Variants in SGCZ observed in about 807,000 individuals in gnomAD.
The protein encoded by SGCZ is zeta-sarcoglycan.
SGCZ carries 40 observed loss-of-function variants against 41.3 expected under a neutral mutation model. The observed-to-expected ratio is 0.97, with a 90% CI of 0.75 to 1.26. The LOEUF is 1.26. Ranked by LOEUF, SGCZ falls within the 50% of genes most tolerant of loss-of-function variation. SGCZ has a pLI of 0.00. For synonymous variants in SGCZ, 206 were observed against 137.5 expected (o/e 1.50, Z -3.49); for missense variants, 552 against 369.8 (o/e 1.49, Z -4.04).
chr8:14,767,244 A>G (rs2130378562), intron 1 of SGCZ, among the ~76,000 whole-genome samples: 1 of 152,228 alleles, frequency 6.6e-6, no homozygotes, highest in African/African-American at 2.4e-5. Flanking sequence ...TCCCCCTCAC[A>G]ATTCCCCTGA....
chr8:14,841,760 T>C (rs1328711944), intron 1 of SGCZ, among the ~76,000 whole-genome samples: 3 of 152,136 alleles, frequency 2.0e-5, no homozygotes, highest in Admixed American at 6.5e-5. Flanking sequence ...AATCACAGAA[T>C]ATTAAGGGAC....
At chr8:15,007,426 G>C (rs368924810) in intron 1 of SGCZ, among the ~76,000 whole-genome samples, 5 of 152,086 alleles carry the variant, frequency 3.3e-5, no homozygotes, top group African/African-American at 1.2e-4. Context: ...ACTCTGATTC[G>C]AACTTTCTAC....
At chr8:14,769,732 T>C (rs1800167686) in intron 1 of SGCZ, among the ~76,000 whole-genome samples, 1 of 140,764 alleles carries the variant, frequency 7.1e-6, no homozygotes. Context: ...GAGGCAGAGG[T>C]TGCAGTGAGC....
intron 1 of SGCZ, among the ~76,000 whole-genome samples, chr8:14,819,613 A>C (rs1277680802): frequency 6.6e-6 from 1 of 152,158 alleles, no homozygotes; most frequent in Non-Finnish European, 1.5e-5. Flanking sequence ...TGCAGTGTAA[A>C]TCTTTCAATA....
intron 2 of SGCZ, among the ~76,000 whole-genome samples, chr8:14,406,153 C>G (rs1799206988): frequency 6.6e-6 from 1 of 152,060 alleles, no homozygotes; most frequent in South Asian, 2.1e-4. Flanking sequence ...CAAGCTTATG[C>G]TTTCTGCAGA....
intron 2 of SGCZ, among the ~76,000 whole-genome samples, chr8:14,401,681 C>A (rs1799080916): frequency 2.0e-5 from 3 of 151,860 alleles, no homozygotes; most frequent in South Asian, 4.2e-4. Flanking sequence ...TTGATCCAGT[C>A]TATCATTGTT....
At chr8:14,607,166 A>G (rs1805778708) in intron 1 of SGCZ, among the ~76,000 whole-genome samples, 1 of 152,180 alleles carries the variant, frequency 6.6e-6, no homozygotes, top group South Asian at 2.1e-4. Flanking sequence ...AAGATTGAAC[A>G]AAACCATAAA....
At chr8:14,273,335 A>G (rs1425210308) in intron 3 of SGCZ, among the ~76,000 whole-genome samples, 1 of 152,120 alleles carries the variant, frequency 6.6e-6, no homozygotes, top group Non-Finnish European at 1.5e-5. Flanking sequence ...TTCCTTTATC[A>G]TCCAGCAAAA....
intron 1 of SGCZ, among the ~76,000 whole-genome samples, chr8:14,913,017 T>G (rs1799323275): frequency 6.6e-6 from 1 of 152,068 alleles, no homozygotes; most frequent in Non-Finnish European, 1.5e-5. Flanking sequence ...TATAAAAATA[T>G]CATGACAACT....
chr8:14,880,378 T>C (rs1804542318), intron 1 of SGCZ, among the ~76,000 whole-genome samples: 1 of 152,158 alleles, frequency 6.6e-6, no homozygotes, highest in Admixed American at 6.5e-5. Context: ...GTTCAACCAT[T>C]GTGGAAGTCA....
intron 1 of SGCZ, among the ~76,000 whole-genome samples, chr8:15,223,455 A>C (rs17575930): frequency 0.021 from 3,163 of 152,300 alleles, 50 homozygotes; most frequent in Non-Finnish European, 0.035. Context: ...AAAGCCTAGA[A>C]ATATGTAGTA....
intron 1 of SGCZ, among the ~76,000 whole-genome samples, chr8:14,720,316 A>G (rs1366377746): frequency 1.3e-5 from 2 of 152,116 alleles, no homozygotes; most frequent in African/African-American, 4.8e-5. Flanking sequence ...AAAACTTATA[A>G]GTAAATTCTT....
intron 1 of SGCZ, among the ~76,000 whole-genome samples, chr8:15,135,697 C>T (rs948970053): frequency 2.6e-5 from 4 of 152,104 alleles, no homozygotes; most frequent in Non-Finnish European, 5.9e-5. Flanking sequence ...GTGTGTAGTA[C>T]TGATGCCGGG....
In SGCZ at chr8:14,184,497, T is replaced by A. The variant is rs1205519428; in HGVS notation, c.425-19795A>T. Among the ~76,000 whole-genome samples the A allele has an allele frequency of 2.6e-5, 4 of 152,182 alleles. No individual in the cohort carries two copies. The East Asian group carries it at 7.7e-4, about 29-fold the overall frequency. ...TAAATGATAAATGTATTGAAATGAATAAGATATAAAGTTTCTGTATCAAAG... is the reference window on the plus strand; with the variant it reads ...TAAATGATAAATGTATTGAAATGAAAAAGATATAAAGTTTCTGTATCAAAG... On this transcript the variant is annotated intron_variant, in intron 4 of 7. Coordinates refer to ENST00000382080, the MANE Select transcript of SGCZ (RefSeq NM_139167.4).
chr8:14,839,724 T>C (rs1802834478), intron 1 of SGCZ, among the ~76,000 whole-genome samples: 1 of 152,132 alleles, frequency 6.6e-6, no homozygotes, highest in Non-Finnish European at 1.5e-5. Flanking sequence ...TTGAAAGTTA[T>C]CTTTTGGCTT....
chr8:14,901,698 A>G lies in SGCZ; in HGVS notation c.39+335887T>C, dbSNP rs75948785. 8.9e-4 allele frequency among the ~76,000 whole-genome samples: 135 copies of G among 152,188 alleles called. 2 individuals carry two copies. In the East Asian group the frequency reaches 0.025, roughly 28 times the overall value. ...ATTCTGGGGTAAAAAAGTTACATAT[A>G]TTTTCGGTAAAAATGCCTAAAGCTG... On this transcript the variant is annotated intron_variant, in intron 1 of 7. Transcript: ENST00000382080.
At chr8:14,752,276 G>A (rs183018153) in intron 1 of SGCZ, among the ~76,000 whole-genome samples, 94 of 152,030 alleles carry the variant, frequency 6.2e-4, no homozygotes, top group African/African-American at 2.1e-3. Flanking sequence ...TCATTAGAAC[G>A]CATTTATCAA....
chr8:14,681,299 A>G (rs1039907619), intron 1 of SGCZ, among the ~76,000 whole-genome samples: 1 of 152,194 alleles, frequency 6.6e-6, no homozygotes, highest in African/African-American at 2.4e-5. Context: ...ATCAGGAACA[A>G]TGCAAGCCAC....
chr8:14,525,102 TAGAC>T (rs931268561), intron 2 of SGCZ, among the ~76,000 whole-genome samples: 21 of 125,874 alleles, frequency 1.7e-4, no homozygotes, highest in African/African-American at 4.1e-4. Context: ...GATAGACACA[TAGAC>T]AGATGATAGA....
Sources: gnomAD v4.1 joint callset for allele counts (sites outside exome capture counted in the v4.1 genomes callset) on GRCh38, gnomAD v4.1.1 for gene constraint, MANE v1.5 for transcripts, NCBI Gene and HGNC (gene_info 2026-07-23, HGNC 2026-07-21) for gene names.